The following PRMT8 variants were observed in gnomAD, a reference collection of about 807,000 sequenced individuals.
PRMT8 encodes protein arginine methyltransferase 8, also known as protein arginine N-methyltransferase 8.
Under a neutral mutation model 47.1 loss-of-function variants are expected in PRMT8, and 7 were observed. That is an observed-to-expected ratio of 0.15 (90% CI 0.08 to 0.28). The LOEUF is 0.28. PRMT8 is among the 10% of genes least tolerant of loss of function. PRMT8 has a pLI of 1.00. For missense variants in PRMT8, 237 were observed against 505.4 expected, an observed-to-expected ratio of 0.47 and a Z score of 5.09; for synonymous variants, 188 against 186.5, an observed-to-expected ratio of 1.01 and a Z score of -0.07.
chr12:3,383,034 T>C (rs1056640957), intron 1 of PRMT8, among the ~76,000 whole-genome samples: 1 of 152,226 alleles, frequency 6.6e-6, no homozygotes, highest in Admixed American at 6.5e-5. Flanking sequence ...GCAAGTCTAT[T>C]TCTGGGCTCT....
intron 1 of PRMT8, among the ~76,000 whole-genome samples, chr12:3,455,214 G>A (rs1864961595): frequency 6.6e-6 from 1 of 152,186 alleles, no homozygotes. Flanking sequence ...CTGTTACTGT[G>A]TAACTGGTCT....
chr12:3,587,054 A>G (rs1867193359), intron 8 of PRMT8, among the ~76,000 whole-genome samples: 1 of 152,186 alleles, frequency 6.6e-6, no homozygotes, highest in African/African-American at 2.4e-5. Flanking sequence ...CAACTGACCG[A>G]GTAACCCTTT....
chr12:3,420,445 C>G (rs1331120358), intron 1 of PRMT8, among the ~76,000 whole-genome samples: 1 of 152,166 alleles, frequency 6.6e-6, no homozygotes, highest in Non-Finnish European at 1.5e-5. Context: ...TTGGGGACCC[C>G]CTTTGTATGA....
chr12:3,482,174 T>TG (rs1428901149), intron 1 of PRMT8, among the ~76,000 whole-genome samples: 1 of 152,180 alleles, frequency 6.6e-6, no homozygotes, highest in Non-Finnish European at 1.5e-5. Flanking sequence ...GTACAGATGT[T>TG]CAGTTTAAAT....
At chr12:3,591,896 A>C (rs547726120) in intron 8 of PRMT8, among the ~76,000 whole-genome samples, 2 of 152,304 alleles carry the variant, frequency 1.3e-5, no homozygotes, top group East Asian at 3.9e-4. Context: ...GTTCAGATGC[A>C]TGTATGTCCA....
intron 7 of PRMT8, among the ~76,000 whole-genome samples, chr12:3,581,740 A>T (rs906651235): frequency 6.6e-6 from 1 of 152,180 alleles, no homozygotes; most frequent in Admixed American, 6.5e-5. Context: ...CAACAGTCAG[A>T]GAGCTTCAGC....
chr12:3,516,994 C>T (rs1215552182), intron 1 of PRMT8, among the ~76,000 whole-genome samples: 1 of 152,102 alleles, frequency 6.6e-6, no homozygotes, highest in Non-Finnish European at 1.5e-5. Flanking sequence ...CAACAAAATG[C>T]AGCAAGACAA....
At chr12:3,430,485 C>CA in intron 1 of PRMT8, among the ~76,000 whole-genome samples, 2 of 152,244 alleles carry the variant, frequency 1.3e-5, no homozygotes, top group Middle Eastern at 6.8e-3. Context: ...AAAATGAAGA[C>CA]AATATTGATT....
chr12:3,387,225 A>G (rs1020262285), intron 1 of PRMT8, among the ~76,000 whole-genome samples: 2 of 152,210 alleles, frequency 1.3e-5, no homozygotes, highest in African/African-American at 4.8e-5. Context: ...GCTTCATAGA[A>G]CATTTAAAAA....
intron 7 of PRMT8, among the ~76,000 whole-genome samples, chr12:3,577,329 A>T (rs1046835398): frequency 6.6e-5 from 10 of 152,202 alleles, no homozygotes; most frequent in Admixed American, 6.5e-4. Context: ...GTCCATTCAG[A>T]GGTAGACGTC....
At chr12:3,462,996 A>G (rs1443606236) in intron 1 of PRMT8, 1 of 150,198 alleles carries the variant, frequency 6.7e-6, no homozygotes, top group Non-Finnish European at 1.5e-5. Flanking sequence ...GTGCCTGGAA[A>G]ATATGTATAG....
intron 1 of PRMT8, among the ~76,000 whole-genome samples, chr12:3,426,763 C>G (rs1289757054): frequency 1.3e-5 from 2 of 151,930 alleles, no homozygotes; most frequent in Non-Finnish European, 1.5e-5. Flanking sequence ...TAGGGTTTTC[C>G]CCTGAGACTA....
At chr12:3,489,025 C>T (rs1273614400), upstream of PRMT8, among the ~76,000 whole-genome samples, 1 of 152,144 alleles carries the variant, frequency 6.6e-6, no homozygotes, top group Non-Finnish European at 1.5e-5. Context: ...TGTACTCCAG[C>T]CTTTATGGAA....
chr12:3,437,826 C>T (rs1056370221), intron 1 of PRMT8, among the ~76,000 whole-genome samples: 3 of 152,046 alleles, frequency 2.0e-5, no homozygotes, highest in African/African-American at 4.8e-5. Flanking sequence ...AGACAGCTCA[C>T]GGTGTCACAT....
intron 1 of PRMT8, among the ~76,000 whole-genome samples, chr12:3,439,007 AG>A (rs1325387001): frequency 1.3e-5 from 2 of 152,202 alleles, no homozygotes; most frequent in African/African-American, 4.8e-5. Flanking sequence ...TGGATGTTAA[AG>A]TTTTTCACAT....
chr12:3,564,763 G>A lies in PRMT8; in HGVS notation c.482-3943G>A, dbSNP rs113276332. 7.4e-3 allele frequency among the ~76,000 whole-genome samples: 1,133 copies of A among 152,322 alleles called. 9 individuals are homozygous for A. Among genetic ancestry groups the A allele is most frequent in the Non-Finnish European group, 0.013 (856 of 68,028 alleles). The stretch of plus-strand genomic sequence containing the variant: ...GGAGCTCTGCAGCCTACGGCTGCTC[G>A]GAATCTTAATATCAATAGCTTAGAC... On this transcript the variant is annotated intron_variant, in intron 4 of 9. Coordinates refer to ENST00000382622, the MANE Select transcript of PRMT8 (RefSeq NM_019854.5). This position sits in a 1 kb window ranked among gnomAD's most constrained non-coding sequence, Gnocchi z 4.0.
intron 1 of PRMT8, among the ~76,000 whole-genome samples, chr12:3,496,839 A>G (rs1056589733): frequency 6.6e-6 from 1 of 151,852 alleles, no homozygotes; most frequent in Non-Finnish European, 1.5e-5. Flanking sequence ...ACCATAGTCC[A>G]TGTGACTTTT....
At chr12:3,484,168 G>A (rs956619536) in intron 1 of PRMT8, among the ~76,000 whole-genome samples, 5 of 152,274 alleles carry the variant, frequency 3.3e-5, no homozygotes, top group Middle Eastern at 3.4e-3. Flanking sequence ...AGGAGGGGGC[G>A]TTCTGCTCTT....
chr12:3,457,506 CCT>C (rs1281696361), intron 1 of PRMT8, among the ~76,000 whole-genome samples: 1 of 151,726 alleles, frequency 6.6e-6, no homozygotes. Context: ...ACGGGGTCTC[CCT>C]CTGTTTCCTA....
Sources: gnomAD v4.1 joint callset for allele counts (sites outside exome capture counted in the v4.1 genomes callset) on GRCh38, gnomAD v4.1.1 for gene constraint, Gnocchi (gnomAD v3.1) non-coding constraint, MANE v1.5 for transcripts, NCBI Gene and HGNC (gene_info 2026-07-23, HGNC 2026-07-21) for gene names.